Variants in GPR161 observed in about 807,000 individuals in gnomAD.
GPR161 encodes the protein G protein-coupled receptor 161.
Under a neutral mutation model 39.2 loss-of-function variants are expected in GPR161, and 25 were observed. The ratio of observed to expected loss-of-function variants is 0.64; its 90% CI spans 0.47 to 0.89. The LOEUF (loss-of-function observed/expected upper bound fraction) is 0.89, where lower values mean the gene tolerates loss of function less well. GPR161 is among the 40% of genes least tolerant of loss of function. The pLI is 0.00. For synonymous variants in GPR161, 286 were observed against 276.6 expected (o/e 1.03, Z -0.34); for missense variants, 547 against 677.8 (o/e 0.81, Z 2.14).
intron 1 of GPR161, among the ~76,000 whole-genome samples, chr1:168,110,507 A>G (rs1213050057): frequency 4.9e-5 from 6 of 123,648 alleles, no homozygotes; most frequent in Admixed American, 4.8e-4. Context: ...AACATTAAAA[A>G]AGAAAAAAAA....
rs200802841 is a variant in GPR161 at position 168,087,667 on chromosome 1, A to G, written c.1242T>C (p.Asp414=). 119 of 1,613,948 alleles carry G rather than the reference A, an allele frequency of 7.4e-5. 1 individual carries two copies. Among genetic ancestry groups the G allele is most frequent in the African/African-American group, 2.7e-5 (2 of 74,924 alleles). ...DMMLLEDYTS[D]DNPPSHCTCP... ...AAGTGCAGTGAGAGGGAGGGTTGTC[A>G]TCAGACGTGTAGTCCTCAAGCAGCA... Residue 414 remains aspartate, a synonymous_variant, in exon 5 of 6, where the codon GAT becomes GAC. Transcript: ENST00000682931.
At chr1:168,087,113 T>C (rs986530337) in intron 5 of GPR161, among the ~76,000 whole-genome samples, 12 of 152,064 alleles carry the variant, frequency 7.9e-5, no homozygotes, top group Non-Finnish European at 1.3e-4. Context: ...AATGTAGGGA[T>C]TGGGCTGCGG....
intron 1 of GPR161, among the ~76,000 whole-genome samples, chr1:168,107,345 T>C (rs1186227457): frequency 1.3e-5 from 2 of 152,158 alleles, no homozygotes; most frequent in African/African-American, 2.4e-5. Context: ...CATGGAGAAG[T>C]GGAGCCTTTC....
intron 4 of GPR161, among the ~76,000 whole-genome samples, chr1:168,089,756 G>A (rs1382543159): frequency 7.5e-6 from 1 of 133,138 alleles, no homozygotes; most frequent in Admixed American, 7.7e-5. Flanking sequence ...CTGCCCATGC[G>A]CCTCTGCCCA....
At chr1:168,097,278 G>C in intron 2 of GPR161, 46 bp from the exon 3 acceptor site, 5 of 1,561,204 alleles carry the variant, frequency 3.2e-6, no homozygotes, top group Non-Finnish European at 3.5e-6. Context: ...TCAGCGGAGA[G>C]AGAAAACCGC....
At chr1:168,114,282 G>A (rs543471104) in intron 1 of GPR161, among the ~76,000 whole-genome samples, 1 of 152,238 alleles carries the variant, frequency 6.6e-6, no homozygotes, top group Non-Finnish European at 1.5e-5. Flanking sequence ...GTGGCCTAGT[G>A]GTTAAGAGCA....
intron 2 of GPR161, among the ~76,000 whole-genome samples, chr1:168,101,066 G>A (rs953952132): frequency 1.1e-4 from 16 of 150,358 alleles, no homozygotes; most frequent in African/African-American, 3.9e-4. Flanking sequence ...TTTTCATGGG[G>A]CTACAAGATG....
rs1423095574 is a variant in GPR161, at chr1:168,104,872, G to T, written c.-22C>A. ...TCATGGTCAGTGCACCTCGGCGTGG[G>T]GTGGGCAGAGCATGCTGGACGACTG... On this transcript the variant is annotated 5_prime_UTR_variant, in exon 2 of 6. Coordinates refer to ENST00000682931, the MANE Select transcript of GPR161 (RefSeq NM_001375883.1). The T allele has an allele frequency of 6.2e-7, 1 of 1,610,244 alleles. No individual in the cohort carries two copies. Among genetic ancestry groups the T allele is most frequent in the African/African-American group, 1.3e-5 (1 of 74,830 alleles).
chr1:168,136,094 G>A, intron 1 of GPR161: 4 of 1,258,988 alleles, frequency 3.2e-6, no homozygotes, highest in Non-Finnish European at 4.0e-6. Flanking sequence ...AGGGCTGGTC[G>A]AGTTCTCCCC....
rs779748525 is a variant in GPR161, at chr1:168,085,803, G to A, written c.1325-7C>T. The A allele has an allele frequency of 1.1e-5, 18 of 1,604,550 alleles. No individual in the cohort carries two copies. The highest frequency in any genetic ancestry group is 1.4e-5 in the Non-Finnish European group (16 of 1,172,920). On this transcript the variant is annotated splice_region_variant and splice_polypyrimidine_tract_variant and intron_variant, in intron 5 of 5. Transcript: ENST00000682931. ...ATCGAGTTCTTGGCAGCTTCTGAGG[G>A]AGAAGGCAGAAAAAAAAGTCAGCTG...
intron 2 of GPR161, among the ~76,000 whole-genome samples, chr1:168,103,357 T>C (rs1449580606): frequency 6.6e-6 from 1 of 152,124 alleles, no homozygotes; most frequent in Non-Finnish European, 1.5e-5. Flanking sequence ...ACAGTGATTG[T>C]TTCTGATGGT....
intron 1 of GPR161, among the ~76,000 whole-genome samples, chr1:168,108,094 C>T (rs938107409): frequency 6.6e-6 from 1 of 152,206 alleles, no homozygotes; most frequent in African/African-American, 2.4e-5. Context: ...TTCAAGCTGC[C>T]TCCACTCATG....
At chr1:168,122,190 C>T (rs1698229814) in intron 1 of GPR161, among the ~76,000 whole-genome samples, 1 of 152,216 alleles carries the variant, frequency 6.6e-6, no homozygotes, top group South Asian at 2.1e-4. Flanking sequence ...CCACGCGTGC[C>T]ATCCCATCCT....
At chr1:168,134,991 C>A in intron 1 of GPR161, 1 of 1,535,322 alleles carries the variant, frequency 6.5e-7, no homozygotes. Context: ...AGCCCTCTGA[C>A]CACACAGTGC....
intron 1 of GPR161, among the ~76,000 whole-genome samples, chr1:168,120,122 C>T (rs573602050): frequency 3.0e-4 from 45 of 152,318 alleles, no homozygotes; most frequent in Non-Finnish European, 4.7e-4. Context: ...CTGGAAAAGC[C>T]GCAGGCACTC....
At chr1:168,123,314 C>T (rs1480895971) in intron 1 of GPR161, among the ~76,000 whole-genome samples, 1 of 152,018 alleles carries the variant, frequency 6.6e-6, no homozygotes, top group Non-Finnish European at 1.5e-5. Context: ...AAGAATTAGT[C>T]AGGCATGGTA....
intron 4 of GPR161, 128 bp from the exon 5 acceptor site, chr1:168,087,832 C>G (rs901006141): frequency 1.5e-5 from 14 of 937,818 alleles, no homozygotes; most frequent in Admixed American, 1.4e-4. Flanking sequence ...GTGGAGCTGA[C>G]TGCGCCGCAG....
intron 2 of GPR161, among the ~76,000 whole-genome samples, chr1:168,097,575 G>C (rs1481692831): frequency 1.3e-5 from 2 of 152,202 alleles, no homozygotes; most frequent in Admixed American, 6.5e-5. Context: ...TGCTGCTGCT[G>C]ACAGCAGAAT....
chr1:168,136,257 C>G (rs1489751181), intron 1 of GPR161: 1 of 1,400,656 alleles, frequency 7.1e-7, no homozygotes, highest in Non-Finnish European at 9.3e-7. Context: ...GGCTGCTCAC[C>G]TGGTCCTCAC....
Sources: gnomAD v4.1 joint callset for allele counts (sites outside exome capture counted in the v4.1 genomes callset) on GRCh38, gnomAD v4.1.1 for gene constraint, MANE v1.5 for transcripts, NCBI Gene and HGNC (gene_info 2026-07-23, HGNC 2026-07-21) for gene names.